Variants in CLSTN2 observed in about 807,000 individuals in gnomAD.
CLSTN2 encodes calsyntenin 2.
CLSTN2 carries 48 observed loss-of-function variants against 101.2 expected under a neutral mutation model. The ratio of observed to expected loss-of-function variants is 0.47; its 90% confidence interval spans 0.38 to 0.60. The LOEUF (loss-of-function observed/expected upper bound fraction) is 0.60. CLSTN2 is among the 20% of genes least tolerant of loss of function. CLSTN2 has a pLI of 0.00. For missense variants in CLSTN2, 1,160 were observed against 1,238.2 expected, an observed-to-expected ratio of 0.94 and a Z score of 0.95; for synonymous variants, 481 against 463.6, an observed-to-expected ratio of 1.04 and a Z score of -0.48.
intron 2 of CLSTN2, among the ~76,000 whole-genome samples, chr3:140,322,222 G>GC (rs1022881509): frequency 2.0e-5 from 3 of 152,216 alleles, no homozygotes; most frequent in Admixed American, 2.0e-4. Context: ...AGGTGGCCTG[G>GC]CCCAGCATCT....
Position 140,085,498 on chromosome 3 carries a change from G to A in CLSTN2, c.110-90453G>A, listed in dbSNP as rs1164510564. 2.0e-5 allele frequency among the ~76,000 whole-genome samples: 3 copies of A among 152,162 alleles called. No individual in the cohort carries two copies. The South Asian group carries it at 6.2e-4, about 32-fold the overall frequency. ...GGGACCAACCTCACCTAGAAGCAGG[G>A]AGAGGCCAGTTGGGCTGTGGACATC... On this transcript the variant is annotated intron_variant, in intron 1 of 16. Coordinates refer to ENST00000458420, the MANE Select transcript of CLSTN2 (RefSeq NM_022131.3).
chr3:140,123,479 C>T (rs1446203853), intron 1 of CLSTN2, among the ~76,000 whole-genome samples: 3 of 152,018 alleles, frequency 2.0e-5, no homozygotes, highest in Admixed American at 2.0e-4. Flanking sequence ...TCCCTGAGTG[C>T]CTCTGCATGC....
chr3:140,069,367 T>A (rs2008354166), intron 1 of CLSTN2, among the ~76,000 whole-genome samples: 1 of 152,086 alleles, frequency 6.6e-6, no homozygotes, highest in Non-Finnish European at 1.5e-5. Flanking sequence ...ACCAGATCAA[T>A]GGTAGGGCCT....
rs968001600 is a variant in CLSTN2, at chr3:140,128,717, C to T, written c.110-47234C>T. Among the ~76,000 whole-genome samples, 53 of 152,148 alleles carry T rather than the reference C, an allele frequency of 3.5e-4. 1 individual carries two copies. The highest frequency in any genetic ancestry group is 1.2e-3 in the African/African-American group (49 of 41,436). ...AATACCCCAATTCCTCTCTCCTCTT[C>T]CTTCCGTGGCTTCAGTGTTCTCTGT... is the stretch of plus-strand genomic sequence containing the variant. On this transcript the variant is annotated intron_variant, in intron 1 of 16. Coordinates refer to ENST00000458420, the MANE Select transcript of CLSTN2 (RefSeq NM_022131.3).
intron 1 of CLSTN2, among the ~76,000 whole-genome samples, chr3:139,987,937 T>A (rs1209324378): frequency 1.3e-5 from 2 of 152,176 alleles, no homozygotes; most frequent in Non-Finnish European, 2.9e-5. Flanking sequence ...ACAAGACAAG[T>A]AAAGTGGTTT....
chr3:140,092,024 G>C (rs1024553870), intron 1 of CLSTN2, among the ~76,000 whole-genome samples: 5 of 152,274 alleles, frequency 3.3e-5, no homozygotes, highest in Admixed American at 3.3e-4. Flanking sequence ...ACAGAGAGCA[G>C]GTCCTGGGAT....
intron 2 of CLSTN2, among the ~76,000 whole-genome samples, chr3:140,345,856 T>A (rs1172209530): frequency 6.6e-6 from 1 of 152,192 alleles, no homozygotes; most frequent in Non-Finnish European, 1.5e-5. Flanking sequence ...AAGTCACAGC[T>A]GCTCCTAATT....
At chr3:140,486,940 T>C (rs1934252861) in intron 8 of CLSTN2, among the ~76,000 whole-genome samples, 1 of 152,176 alleles carries the variant, frequency 6.6e-6, no homozygotes, top group East Asian at 1.9e-4. Flanking sequence ...CCAACAGATG[T>C]AAGTTTAAGG....
intron 1 of CLSTN2, among the ~76,000 whole-genome samples, chr3:140,057,178 C>G (rs1028095281): frequency 2.0e-5 from 3 of 152,214 alleles, no homozygotes; most frequent in Non-Finnish European, 1.5e-5. Context: ...CAATACACAT[C>G]CAAAGCAATG....
At chr3:140,066,796 G>C (rs2008306407) in intron 1 of CLSTN2, among the ~76,000 whole-genome samples, 1 of 152,206 alleles carries the variant, frequency 6.6e-6, no homozygotes. Flanking sequence ...GACACTCACA[G>C]ATGCTTAGGA....
rs906354893 is a variant in CLSTN2 at position 140,571,252 on chromosome 3, G to A, written c.*4999G>A. 6.6e-6 allele frequency: 1 copy of A among 152,146 alleles called. No homozygotes were observed. The highest frequency in any genetic ancestry group is 1.5e-5 in the Non-Finnish European group (1 of 68,036). 9.4% of individuals were successfully genotyped at this position (152,146 alleles called of 1,614,324 possible). On this transcript the variant is annotated 3_prime_UTR_variant, in exon 17 of 17. Coordinates refer to ENST00000458420, the MANE Select transcript of CLSTN2 (RefSeq NM_022131.3). ...TGATCCTAAAGACTTGTGACTGTTT[G>A]AATCAATAGCAACATCATCAGTAGA...
chr3:140,545,049 G>T (rs557069315), intron 9 of CLSTN2, among the ~76,000 whole-genome samples: 73 of 152,240 alleles, frequency 4.8e-4, no homozygotes, highest in Non-Finnish European at 7.9e-4. Context: ...AGTAACATGG[G>T]ATTAGTGGGT....
chr3:140,467,857 C>T (rs1194256018), intron 8 of CLSTN2, among the ~76,000 whole-genome samples: 1 of 151,974 alleles, frequency 6.6e-6, no homozygotes, highest in Non-Finnish European at 1.5e-5. Context: ...AATTCATTCA[C>T]ACTGAGATGG....
intron 1 of CLSTN2, among the ~76,000 whole-genome samples, chr3:140,056,211 A>C (rs1181035012): frequency 6.6e-6 from 1 of 152,200 alleles, no homozygotes; most frequent in Non-Finnish European, 1.5e-5. Context: ...ATGGCTGATT[A>C]AGGAAATGAC....
chr3:140,242,052 C>G (rs541513560), intron 2 of CLSTN2, among the ~76,000 whole-genome samples: 1 of 151,844 alleles, frequency 6.6e-6, no homozygotes, highest in South Asian at 2.1e-4. Flanking sequence ...GGATTAGAGG[C>G]GCCCGCCACC....
intron 1 of CLSTN2, among the ~76,000 whole-genome samples, chr3:139,985,311 G>A (rs1936002902): frequency 6.6e-6 from 1 of 152,150 alleles, no homozygotes; most frequent in Non-Finnish European, 1.5e-5. Context: ...GTGAAAAACT[G>A]GAGAGTTGGC....
intron 1 of CLSTN2, among the ~76,000 whole-genome samples, chr3:139,975,820 G>A (rs1935807068): frequency 6.6e-6 from 1 of 152,152 alleles, no homozygotes; most frequent in Non-Finnish European, 1.5e-5. Context: ...CACAGCCATG[G>A]CAACAGCTGC....
At chr3:140,549,833 A>G (rs1314124467) in intron 10 of CLSTN2, among the ~76,000 whole-genome samples, 2 of 150,680 alleles carry the variant, frequency 1.3e-5, no homozygotes, top group Non-Finnish European at 3.0e-5. Flanking sequence ...GTGATTAAGG[A>G]AATTCTCTAT....
chr3:140,252,986 G>A (rs377733613), intron 2 of CLSTN2, among the ~76,000 whole-genome samples: 19 of 152,212 alleles, frequency 1.2e-4, no homozygotes, highest in African/African-American at 4.6e-4. Flanking sequence ...TCTCTGGATA[G>A]CCCCACCCCT....
Sources: gnomAD v4.1 joint callset for allele counts (sites outside exome capture counted in the v4.1 genomes callset) on GRCh38, gnomAD v4.1.1 for gene constraint, MANE v1.5 for transcripts, NCBI Gene and HGNC (gene_info 2026-07-23, HGNC 2026-07-21) for gene names.